Variants in HCN4 observed in about 807,000 individuals in gnomAD.
The protein encoded by HCN4 is potassium/sodium hyperpolarization-activated cyclic nucleotide-gated channel 4.
HCN4 carries 29 observed loss-of-function variants against 76.9 expected under a neutral mutation model. The observed-to-expected ratio is 0.38, with a 90% CI of 0.28 to 0.51. HCN4 has a LOEUF of 0.51. HCN4 is among the 20% of genes least tolerant of loss of function. The probability of loss-of-function intolerance (pLI) is 0.90; values close to 1 mark genes in which losing one functional copy is unlikely to be tolerated. For synonymous variants in HCN4, 772 were observed against 762.5 expected (o/e 1.01, Z -0.21); for missense variants, 1,416 against 1,715.2 (o/e 0.83, Z 3.08).
intron 2 of HCN4, among the ~76,000 whole-genome samples, chr15:73,341,815 A>C (rs569520722): frequency 3.3e-5 from 5 of 152,320 alleles, no homozygotes; most frequent in African/African-American, 9.6e-5. Context: ...ACGCTGCCAA[A>C]CTGGTGCACA....
rs974733044 is a variant in HCN4, at chr15:73,367,452, G to A, written c.785+34C>T. ...GAGGAGGCATGCCTGCCACCGCGCA[G>A]GGCACCCACAGGATCATCGCTGTGG... On this transcript the variant is annotated intron_variant, in intron 1 of 7. Coordinates refer to ENST00000261917, the MANE Select transcript of HCN4 (RefSeq NM_005477.3). This position sits in a 1 kb window ranked among gnomAD's most constrained non-coding sequence, Gnocchi z 7.5. 4 of 1,611,752 alleles carry A rather than the reference G, an allele frequency of 2.5e-6. No homozygotes were observed. The highest frequency in any genetic ancestry group is 1.7e-5 in the Admixed American group (1 of 59,988).
intron 1 of HCN4, among the ~76,000 whole-genome samples, chr15:73,362,611 G>A (rs1012916714): frequency 1.1e-4 from 16 of 152,232 alleles, no homozygotes; most frequent in Admixed American, 5.2e-4. Context: ...GGCCAGGGTG[G>A]CCTGAGAGAG....
chr15:73,365,329 C>A (rs2043123620), intron 1 of HCN4, among the ~76,000 whole-genome samples: 1 of 152,232 alleles, frequency 6.6e-6, no homozygotes, highest in African/African-American at 2.4e-5. Flanking sequence ...CAGCTCCAGA[C>A]AGCTACAAGG....
chr15:73,358,454 G>T (rs1327185411), intron 1 of HCN4, among the ~76,000 whole-genome samples: 1 of 152,190 alleles, frequency 6.6e-6, no homozygotes, highest in East Asian at 1.9e-4. Context: ...GGAACTGCAG[G>T]GTAATTACTT....
chr15:73,343,536 T>G lies in HCN4; in HGVS notation c.1058A>C (p.Asp353Ala). The G allele has an allele frequency of 6.2e-7, 1 of 1,614,172 alleles. No homozygotes were observed. The highest frequency in any genetic ancestry group is 8.5e-7 in the Non-Finnish European group (1 of 1,180,044). ...TGTCTCCACAATGAGGAAGATGTAGTCCACGGGGATGGAGGAAATGAAATC... is the reference window on the plus strand; with the variant it reads ...TGTCTCCACAATGAGGAAGATGTAGGCCACGGGGATGGAGGAAATGAAATC... ...MVDFISSIPV[D>A]YIFLIVETRI... Residue 353 changes from aspartate (D) to alanine (A), a missense_variant, in exon 2 of 8, where the codon GAC becomes GCC. Physicochemically the swap from Asp to Ala is moderately radical, Grantham distance 126. Coordinates refer to ENST00000261917, the MANE Select transcript of HCN4 (RefSeq NM_005477.3). The surrounding 1 kb of genome is among the most constrained non-coding windows in gnomAD (Gnocchi z 5.7).
chr15:73,366,016 C>T (rs1400442270), intron 1 of HCN4, among the ~76,000 whole-genome samples: 1 of 152,218 alleles, frequency 6.6e-6, no homozygotes, highest in Non-Finnish European at 1.5e-5. Context: ...CTTCAGGAAC[C>T]TGGCACTGGG....
rs962174802 is a variant in HCN4 at position 73,368,371 on chromosome 15, C to T, written c.-101G>A. The T allele has an allele frequency of 6.8e-5, 55 of 803,790 alleles. No homozygotes were observed. Among genetic ancestry groups the T allele is most frequent in the Non-Finnish European group, 7.4e-5 (43 of 584,146 alleles). 49.8% of individuals were successfully genotyped at this position (803,790 alleles called of 1,614,324 possible). A position where few individuals can be genotyped will look rare whatever the true frequency, so the allele number is the denominator to read the frequency against. ...GGTCAGTCCGCCCGTGGGGACGCGT[C>T]CTTTGCCGCCGGCGTGGGGGCAGCC... On this transcript the variant is annotated 5_prime_UTR_variant, in exon 1 of 8. Transcript: ENST00000261917. This position sits in a 1 kb window ranked among gnomAD's most constrained non-coding sequence, Gnocchi z 6.9.
chr15:73,368,157 C>A lies in HCN4; in HGVS notation c.114G>T (p.Gly38=). 6.6e-7 allele frequency: 1 copy of A among 1,526,154 alleles called. No individual in the cohort carries two copies. Among genetic ancestry groups the A allele is most frequent in the East Asian group, 2.6e-5 (1 of 38,194 alleles). The allele number at this position is 1,526,154 out of a possible 1,614,324, so 94.5% of individuals were successfully genotyped here. The part of the protein sequence containing the change: ...EEEDAEEEGA[G]GRQDPSRRSI... ...TCCTGCGGCTGGGGTCTTGGCGGCC[C>A]CCGGCCCCCTCCTCCTCGGCGTCCT... The change falls in exon 1 of 8, where the codon GGG becomes GGT. Residue 38 remains glycine (G), a synonymous_variant. Coordinates refer to ENST00000261917, the MANE Select transcript of HCN4 (RefSeq NM_005477.3). This position sits in a 1 kb window ranked among gnomAD's most constrained non-coding sequence, Gnocchi z 6.9.
chr15:73,330,429 T>C (rs896113449), intron 3 of HCN4, among the ~76,000 whole-genome samples: 3 of 152,210 alleles, frequency 2.0e-5, no homozygotes, highest in African/African-American at 7.2e-5. Context: ...GGGAAGCTCT[T>C]GGCTATTTTT....
chr15:73,343,101 T>A lies in HCN4; in HGVS notation c.1209+284A>T, dbSNP rs528250968. Among the ~76,000 whole-genome samples the A allele has an allele frequency of 6.6e-6, 1 of 152,238 alleles. No homozygotes were observed. The highest frequency in any genetic ancestry group is 1.5e-5 in the Non-Finnish European group (1 of 68,038). ...AAATTACTAATCATGCAACCTTGTATAAGTCACTTAATATTTCTGTCTGTT... is the reference window on the plus strand; with the variant it reads ...AAATTACTAATCATGCAACCTTGTAAAAGTCACTTAATATTTCTGTCTGTT... On this transcript the variant is annotated intron_variant, in intron 2 of 7. Transcript: ENST00000261917. The surrounding 1 kb of genome is among the most constrained non-coding windows in gnomAD (Gnocchi z 5.7).
Position 73,367,553 on chromosome 15 carries a change from C to T in HCN4, c.718G>A (p.Val240Met), listed in dbSNP as rs1207487211. 6.2e-7 allele frequency: 1 copy of T among 1,614,110 alleles called. No individual in the cohort carries two copies. The highest frequency in any genetic ancestry group is 1.1e-5 in the South Asian group (1 of 91,088). The change falls in exon 1 of 8, where the codon GTG becomes ATG. Residue 240 changes from valine to methionine, a missense_variant. Physicochemically the swap from Val to Met is conservative, Grantham distance 21. Transcript: ENST00000261917. The surrounding 1 kb of genome is among the most constrained non-coding windows in gnomAD (Gnocchi z 7.5). The stretch of plus-strand genomic sequence containing the variant: ...TTGACCCTCTCCTGTTCGCGCTCCA[C>T]GGCTTTCTGGCTGCCGAACATCCTT... ...SLRMFGSQKA[V>M]EREQERVKSA...
Position 73,367,638 on chromosome 15 carries a change from G to T in HCN4, c.633C>A (p.Ala211=), listed in dbSNP as rs545040345. 22 of 1,611,862 alleles carry T rather than the reference G, an allele frequency of 1.4e-5. No individual in the cohort carries two copies. In the East Asian group the frequency reaches 4.9e-4, roughly 36 times the overall value. ...CCCCGAACTGGCGCTGCATGAAGCC[G>T]GCCTGGCCCAGGCGCACCTCGGCCT... The part of the protein sequence containing the change: ...LPEAEVRLGQ[A]GFMQRQFGAM... Residue 211 remains alanine, a synonymous_variant, in exon 1 of 8, where the codon GCC becomes GCA. Coordinates refer to ENST00000261917, the MANE Select transcript of HCN4 (RefSeq NM_005477.3). The surrounding 1 kb of genome is among the most constrained non-coding windows in gnomAD (Gnocchi z 7.5).
chr15:73,326,626 G>A (rs2042901020), intron 4 of HCN4, among the ~76,000 whole-genome samples: 1 of 152,134 alleles, frequency 6.6e-6, no homozygotes, highest in Admixed American at 6.6e-5. Context: ...ATGGAGAGGA[G>A]GGAAGACATT....
intron 1 of HCN4, among the ~76,000 whole-genome samples, chr15:73,365,293 T>C (rs2043123520): frequency 1.3e-5 from 2 of 152,210 alleles, no homozygotes; most frequent in African/African-American, 2.4e-5. Context: ...ATGGTCTTTC[T>C]TGGATTTCTT....
At chr15:73,350,223 G>A (rs1048178636) in intron 1 of HCN4, among the ~76,000 whole-genome samples, 2 of 152,052 alleles carry the variant, frequency 1.3e-5, no homozygotes, top group Non-Finnish European at 2.9e-5. Flanking sequence ...CCCCAGACAC[G>A]ATGGTCCAGC....
At chr15:73,357,153 T>A (rs2043084974) in intron 1 of HCN4, among the ~76,000 whole-genome samples, 1 of 152,172 alleles carries the variant, frequency 6.6e-6, no homozygotes, top group Non-Finnish European at 1.5e-5. Flanking sequence ...GGCTTTGGGA[T>A]CTTGCTAACA....
In HCN4 at chr15:73,325,136, C is replaced by T. The variant is rs371484779; in HGVS notation, c.1797G>A (p.Ala599=). 261 of 1,614,046 alleles carry T rather than the reference C, an allele frequency of 1.6e-4. No individual in the cohort carries two copies. Among genetic ancestry groups the T allele is most frequent in the Non-Finnish European group, 1.9e-4 (220 of 1,180,038 alleles). Residue 599 remains alanine, a synonymous_variant, in exon 6 of 8, where the codon GCG becomes GCA. Transcript: ENST00000261917. The surrounding 1 kb of genome is among the most constrained non-coding windows in gnomAD (Gnocchi z 7.4). ...GCATGGACGTCACGAAGTTGGGGTC[C>T]GCATTGGCAAACAGTGGCATGGAGG... is the stretch of plus-strand genomic sequence containing the variant. ...LVASMPLFAN[A]DPNFVTSMLT...
In HCN4 at chr15:73,322,098, G is replaced by A. The variant is rs746743386; in HGVS notation, c.*383C>T. On this transcript the variant is annotated 3_prime_UTR_variant, in exon 8 of 8. Coordinates refer to ENST00000261917, the MANE Select transcript of HCN4 (RefSeq NM_005477.3). ...AGTGGAGCTCCAAGTTACAGCTAAC[G>A]GGCTGATGGCAGCTGTTTCTCTAAA... The A allele has an allele frequency of 2.8e-4, 75 of 272,328 alleles. No individual in the cohort carries two copies. The highest frequency in any genetic ancestry group is 2.7e-3 in the Middle Eastern group (2 of 742). The allele number at this position is 272,328 out of a possible 1,614,324, so 16.9% of individuals were successfully genotyped here.
intron 2 of HCN4, among the ~76,000 whole-genome samples, chr15:73,332,512 T>C (rs1359254439): frequency 6.6e-6 from 1 of 152,144 alleles, no homozygotes; most frequent in Admixed American, 6.5e-5. Flanking sequence ...GGACATCTCC[T>C]GGCATCTATA....
Sources: allele counts gnomAD v4.1 joint callset (sites outside exome capture counted in the v4.1 genomes callset), GRCh38; gene constraint gnomAD v4.1.1; non-coding constraint Gnocchi (gnomAD v3.1); transcripts MANE v1.5; gene names NCBI Gene and HGNC (gene_info 2026-07-23, HGNC 2026-07-21).